PHLPP1: variants seen among roughly 807,000 people sequenced by gnomAD.
PHLPP1 encodes PH domain leucine-rich repeat-containing protein phosphatase 1.
Under a neutral mutation model 117.2 loss-of-function variants are expected in PHLPP1, and 42 were observed. That is an observed-to-expected ratio of 0.36 (90% confidence interval 0.28 to 0.46). The LOEUF (loss-of-function observed/expected upper bound fraction) is 0.46. PHLPP1 is among the 20% of genes least tolerant of loss of function. The probability of loss-of-function intolerance (pLI) is 1.00; values close to 1 mark genes in which losing one functional copy is unlikely to be tolerated. For synonymous variants in PHLPP1, 1,042 were observed against 970.7 expected, an observed-to-expected ratio of 1.07 and a Z score of -1.37; for missense variants, 2,084 against 2,241.9, an observed-to-expected ratio of 0.93 and a Z score of 1.42.
At chr18:62,766,841 C>T (rs1219932779) in intron 1 of PHLPP1, among the ~76,000 whole-genome samples, 4 of 152,088 alleles carry the variant, frequency 2.6e-5, no homozygotes, top group Admixed American at 1.3e-4. Context: ...TCTCTAAAAT[C>T]GAGTTACCAA....
chr18:62,965,452 CTTTTTT>C (rs34187461), intron 14 of PHLPP1, among the ~76,000 whole-genome samples: 1 of 76,142 alleles, frequency 1.3e-5, no homozygotes, highest in Admixed American at 1.7e-4. Flanking sequence ...TAATCAGCCT[CTTTTTT>C]TTTTTTTTTT....
intron 1 of PHLPP1, among the ~76,000 whole-genome samples, chr18:62,723,516 C>G (rs558162374): frequency 1.1e-4 from 16 of 152,288 alleles, no homozygotes; most frequent in African/African-American, 3.8e-4. Flanking sequence ...GTATTTGTTG[C>G]TCTCTATTTC....
intron 14 of PHLPP1, among the ~76,000 whole-genome samples, chr18:62,971,050 C>T (rs545657944): frequency 9.2e-5 from 14 of 152,272 alleles, no homozygotes; most frequent in South Asian, 8.3e-4. Context: ...ACGTTCAAGA[C>T]GTTGCTCCAC....
chr18:62,978,961 C>T lies in PHLPP1; in HGVS notation c.4684C>T (p.Arg1562Trp), dbSNP rs771728051. 5.0e-6 allele frequency: 8 copies of T among 1,610,606 alleles called. No individual in the cohort carries two copies. Among genetic ancestry groups the T allele is most frequent in the Non-Finnish European group, 6.8e-6 (8 of 1,178,548 alleles). Residue 1562 changes from arginine to tryptophan, a missense_variant, in exon 17 of 17, where the codon CGG (arginine) becomes TGG (tryptophan). Arg to Trp is a moderately radical substitution (Grantham distance 101). Transcript: ENST00000262719. The surrounding 1 kb of genome is among the most constrained non-coding windows in gnomAD (Gnocchi z 7.0). ...PIEGVFTNGSRVEVEVDIHCS... is the reference protein window; with the variant it reads ...PIEGVFTNGSWVEVEVDIHCS... ...CGAGGGCGTCTTCACCAACGGCAGC[C>T]GGGTGGAGGTGGAGGTGGACATCCA...
chr18:62,917,944 C>T (rs1260656586), intron 9 of PHLPP1, among the ~76,000 whole-genome samples: 1 of 152,002 alleles, frequency 6.6e-6, no homozygotes, highest in Non-Finnish European at 1.5e-5. Flanking sequence ...GTGGCTCATG[C>T]CTGTAATCCC....
intron 1 of PHLPP1, among the ~76,000 whole-genome samples, chr18:62,719,705 A>G (rs1328488237): frequency 6.6e-6 from 1 of 152,074 alleles, no homozygotes; most frequent in Non-Finnish European, 1.5e-5. Context: ...TTATTGCTGC[A>G]TGTTGTTTTG....
chr18:62,736,920 T>C lies in PHLPP1; in HGVS notation c.1576+19661T>C, dbSNP rs1001848080. On this transcript the variant is annotated intron_variant, in intron 1 of 16. Coordinates refer to ENST00000262719, the MANE Select transcript of PHLPP1 (RefSeq NM_194449.4). ...CCGTATACAAAATAAATGCTAGCAC[T>C]AGCTATGGCTATCAGACAGAAGTGA... Among the ~76,000 whole-genome samples the C allele has an allele frequency of 2.0e-5, 3 of 152,230 alleles. No homozygotes were observed. The East Asian group carries it at 5.8e-4, about 29-fold the overall frequency.
intron 3 of PHLPP1, among the ~76,000 whole-genome samples, chr18:62,850,088 T>C (rs1915301924): frequency 6.6e-6 from 1 of 150,562 alleles, no homozygotes; most frequent in Non-Finnish European, 1.5e-5. Flanking sequence ...TTTTTTTTTT[T>C]TGTATTTAGA....
chr18:62,898,703 TATA>T, intron 6 of PHLPP1, among the ~76,000 whole-genome samples: 1 of 152,314 alleles, frequency 6.6e-6, no homozygotes, highest in Non-Finnish European at 1.5e-5. Flanking sequence ...TTTAGTAACA[TATA>T]ATGATTTGAC....
In PHLPP1 at chr18:62,979,447, T is replaced by C. The variant is rs1911313680; in HGVS notation, c.*16T>C. ...GCCACTATGACCCAGCCGAGCTGTT[T>C]AACAAATAAACTAACCACAAAAGAC... On this transcript the variant is annotated 3_prime_UTR_variant, in exon 17 of 17. Transcript: ENST00000262719. The C allele has an allele frequency of 6.5e-7, 1 of 1,547,814 alleles. No homozygotes were observed. Among genetic ancestry groups the C allele is most frequent in the African/African-American group, 1.4e-5 (1 of 73,004 alleles).
chr18:62,844,966 T>C (rs1378940366), intron 3 of PHLPP1, among the ~76,000 whole-genome samples: 3 of 152,200 alleles, frequency 2.0e-5, no homozygotes, highest in Non-Finnish European at 1.5e-5. Context: ...CATGACTGAA[T>C]TGAAAGTGAT....
intron 8 of PHLPP1, among the ~76,000 whole-genome samples, chr18:62,907,591 T>A (rs1296495682): frequency 7.1e-6 from 1 of 140,074 alleles, no homozygotes; most frequent in South Asian, 2.5e-4. Context: ...AAGGGAAGTT[T>A]AGAGAAAAAA....
chr18:62,888,263 G>T (rs1334192660), intron 4 of PHLPP1, among the ~76,000 whole-genome samples: 2 of 149,534 alleles, frequency 1.3e-5, no homozygotes, highest in African/African-American at 4.9e-5. Context: ...GTTTAAAATA[G>T]AATTATTTAA....
chr18:62,900,433 CTTTTTTT>C (rs774225759), intron 6 of PHLPP1, among the ~76,000 whole-genome samples: 125 of 54,240 alleles, frequency 2.3e-3, no homozygotes, highest in Admixed American at 4.1e-3. Flanking sequence ...CTTTTTCTTT[CTTTTTTT>C]TTTTTTTTTT....
At chr18:62,902,943 T>G (rs1277743405) in intron 6 of PHLPP1, 21 bp from the exon 7 acceptor site, 3 of 1,527,978 alleles carry the variant, frequency 2.0e-6, no homozygotes, top group Non-Finnish European at 2.7e-6. Context: ...AATTATAGTC[T>G]CTATGTCCTT....
intron 6 of PHLPP1, among the ~76,000 whole-genome samples, chr18:62,900,818 C>G (rs1034738161): frequency 2.0e-5 from 3 of 152,188 alleles, no homozygotes; most frequent in African/African-American, 7.2e-5. Flanking sequence ...AGTGAAATAT[C>G]TCACAAATAA....
At chr18:62,749,189 T>A (rs1482281502) in intron 1 of PHLPP1, among the ~76,000 whole-genome samples, 1 of 152,014 alleles carries the variant, frequency 6.6e-6, no homozygotes, top group Non-Finnish European at 1.5e-5. Context: ...ATGTTCAGAT[T>A]TACCCAAAGG....
At chr18:62,883,264 T>C (rs918580998) in intron 4 of PHLPP1, among the ~76,000 whole-genome samples, 2 of 152,170 alleles carry the variant, frequency 1.3e-5, no homozygotes, top group Non-Finnish European at 2.9e-5. Flanking sequence ...AAAGTCACCA[T>C]GAACAGAGTG....
Position 62,895,088 on chromosome 18 carries a change from C to A in PHLPP1, c.2144C>A (p.Thr715Asn). 5 of 1,613,902 alleles carry A rather than the reference C, an allele frequency of 3.1e-6. No homozygotes were observed. The highest frequency in any genetic ancestry group is 4.2e-6 in the Non-Finnish European group (5 of 1,179,816). Residue 715 changes from threonine (T) to asparagine (N), a missense_variant, in exon 5 of 17, where the codon ACC becomes AAC. By Grantham distance (65) the Thr-to-Asn change is moderately conservative (BLOSUM62 0). Coordinates refer to ENST00000262719, the MANE Select transcript of PHLPP1 (RefSeq NM_194449.4). ...CCACTGGCAGTCTGCAGTATTCCAA[C>A]CCTGGCAGAGCTGAACGTGTCCTGC... The part of the protein sequence containing the change: ...DFPLAVCSIP[T>N]LAELNVSCNA...
Sources: allele counts gnomAD v4.1 joint callset (sites outside exome capture counted in the v4.1 genomes callset), GRCh38; gene constraint gnomAD v4.1.1; non-coding constraint Gnocchi (gnomAD v3.1); transcripts MANE v1.5; gene names NCBI Gene and HGNC (gene_info 2026-07-23, HGNC 2026-07-21).